Variants in FLI1 observed in about 807,000 individuals in gnomAD.
The protein encoded by FLI1 is Friend leukemia integration 1 transcription factor.
Under a neutral mutation model 53.1 loss-of-function variants are expected in FLI1, and 13 were observed. The observed-to-expected ratio is 0.24, with a 90% CI of 0.16 to 0.39. The LOEUF (loss-of-function observed/expected upper bound fraction) is 0.39. Ranked by LOEUF, FLI1 falls within the 10% of genes least tolerant of loss-of-function variation. FLI1 has a pLI of 1.00. For synonymous variants in FLI1, 244 were observed against 236.7 expected, an observed-to-expected ratio of 1.03 and a Z score of -0.28; for missense variants, 424 against 600.5, an observed-to-expected ratio of 0.71 and a Z score of 3.07.
intron 1 of FLI1, among the ~76,000 whole-genome samples, chr11:128,751,811 GGT>G (rs995138134): frequency 5.2e-5 from 7 of 135,184 alleles, no homozygotes; most frequent in East Asian, 2.1e-4. Flanking sequence ...TACAGGCGTG[GGT>G]TTTTTTTTTT....
At position 128,702,065 on chromosome 11, in the gene FLI1, G is replaced by T. The variant is rs537482067; in HGVS notation, c.18+7789G>T. ...TCATGAGTTGTTTTAAGTTACTGCT[G>T]TTACAGTCTATGGAAAAGCGTATGT... On this transcript the variant is annotated intron_variant, in intron 1 of 8. Transcript: ENST00000527786. 1.4e-4 allele frequency among the ~76,000 whole-genome samples: 21 copies of T among 152,324 alleles called. No homozygotes were observed. In the South Asian group the frequency reaches 4.3e-3, roughly 32 times the overall value.
At chr11:128,787,941 G>A (rs1349001037) in intron 5 of FLI1, among the ~76,000 whole-genome samples, 1 of 151,438 alleles carries the variant, frequency 6.6e-6, no homozygotes, top group African/African-American at 2.4e-5. Context: ...TGAGTAGCTG[G>A]GACTACAGGT....
chr11:128,803,208 T>C (rs1942681818), intron 5 of FLI1, among the ~76,000 whole-genome samples: 1 of 151,840 alleles, frequency 6.6e-6, no homozygotes, highest in African/African-American at 2.4e-5. Context: ...ATTATCTCCT[T>C]CCCCCAGGCC....
intron 4 of FLI1, among the ~76,000 whole-genome samples, chr11:128,775,496 G>A (rs1941702452): frequency 6.6e-6 from 1 of 152,210 alleles, no homozygotes; most frequent in Admixed American, 6.5e-5. Flanking sequence ...TGGGGTTCCA[G>A]CCTTGGGGAC....
At chr11:128,747,672 T>G (rs552391866) in intron 1 of FLI1, among the ~76,000 whole-genome samples, 9 of 152,356 alleles carry the variant, frequency 5.9e-5, no homozygotes, top group African/African-American at 2.2e-4. Flanking sequence ...GGCCACCCCC[T>G]ACTTTATTCT....
At chr11:128,692,403 G>A (rs1052661745), upstream of FLI1, among the ~76,000 whole-genome samples, 8 of 151,974 alleles carry the variant, frequency 5.3e-5, no homozygotes, top group African/African-American at 1.2e-4. Flanking sequence ...AGACAGGAGC[G>A]GGGGGAGTCA....
At chr11:128,763,444 T>A (rs1000483001) in intron 2 of FLI1, among the ~76,000 whole-genome samples, 5 of 152,232 alleles carry the variant, frequency 3.3e-5, no homozygotes, top group Non-Finnish European at 5.9e-5. Context: ...CTCAGCTGCA[T>A]CCTGTCTCAA....
rs1344412702 is a variant in FLI1, at chr11:128,694,352, C to A, written c.18+76C>A. ...AAGCGGCGGGCGGGTAGGTGCGGGG[C>A]CCGCGTCCCGGAAGACGTGGCCTCT... On this transcript the variant is annotated intron_variant, in intron 1 of 8. Transcript: ENST00000527786. The A allele has an allele frequency of 5.2e-6, 6 of 1,160,632 alleles. No homozygotes were observed. In the African/African-American group the frequency reaches 6.4e-5, roughly 12 times the overall value. The allele number at this position is 1,160,632 out of a possible 1,614,324, so 71.9% of individuals were successfully genotyped here. A position where few individuals can be genotyped will look rare whatever the true frequency, so the allele number is the denominator to read the frequency against.
chr11:128,772,984 A>C lies in FLI1; in HGVS notation c.588A>C (p.Glu196Asp). 2.5e-6 allele frequency: 4 copies of C among 1,613,240 alleles called. No homozygotes were observed. The highest frequency in any genetic ancestry group is 3.4e-6 in the Non-Finnish European group (4 of 1,179,796). ...VLLSHLSYLR[E>D]SSLLAYNTTS... ...TGTCACACCTCAGTTACCTCAGGGA[A>C]AGTAAGTGCCGCCCAAGTACCCAGG... The change falls in exon 4 of 9, where the codon GAA (glutamate) becomes GAC (aspartate). Residue 196 changes from glutamate to aspartate, a missense_variant and splice_region_variant. This residue lies in a region of FLI1 where 114 missense variants were observed against 117.9 expected (regional missense o/e 0.97). Coordinates refer to ENST00000527786, the MANE Select transcript of FLI1 (RefSeq NM_002017.5).
At chr11:128,697,289 CAGATGGGG>C in intron 1 of FLI1, among the ~76,000 whole-genome samples, 1 of 152,292 alleles carries the variant, frequency 6.6e-6, no homozygotes, top group South Asian at 2.1e-4. Flanking sequence ...GGTGTCATTA[CAGATGGGG>C]AGACAGAGAA....
At chr11:128,766,392 A>G (rs916326247) in intron 2 of FLI1, among the ~76,000 whole-genome samples, 2 of 152,214 alleles carry the variant, frequency 1.3e-5, no homozygotes, top group Non-Finnish European at 2.9e-5. Context: ...GGCGAATAGT[A>G]AAACCTTAAA....
chr11:128,690,557 G>A (rs1239856805), upstream of FLI1, among the ~76,000 whole-genome samples: 1 of 152,206 alleles, frequency 6.6e-6, no homozygotes, highest in Admixed American at 6.5e-5. Flanking sequence ...TCGACCCGCC[G>A]CTCCCCTCCC....
At chr11:128,784,538 C>T (rs1942028850) in intron 5 of FLI1, among the ~76,000 whole-genome samples, 1 of 152,180 alleles carries the variant, frequency 6.6e-6, no homozygotes, top group South Asian at 2.1e-4. Flanking sequence ...TAAGCCTGTG[C>T]TTTGCAGGTG....
At chr11:128,775,441 C>G (rs582697) in intron 4 of FLI1, among the ~76,000 whole-genome samples, 111,279 of 151,962 alleles carry the variant, frequency 0.73, 42,551 homozygotes, top group Non-Finnish European at 0.84. Flanking sequence ...CACTGTCAGG[C>G]AAAAGGCTTT....
At chr11:128,691,752 A>G (rs1205327967), upstream of FLI1, 1 of 152,506 alleles carries the variant, frequency 6.6e-6, no homozygotes. Context: ...TGGTGCTGAA[A>G]GGAATTGGGG....
rs899791707 is a variant in FLI1 at position 128,736,413 on chromosome 11, A to G, written c.19-21702A>G. On this transcript the variant is annotated intron_variant, in intron 1 of 8. Transcript: ENST00000527786. ...ACCCTAGAGGCCACAGATAAGATAC[A>G]CTCTTGTAGCAGGCTTGTCATACTT... 2.6e-5 allele frequency among the ~76,000 whole-genome samples: 4 copies of G among 152,056 alleles called. No homozygotes were observed. In the East Asian group the frequency reaches 7.7e-4, roughly 29 times the overall value.
rs551586853 is a variant in FLI1 at position 128,688,149 on chromosome 11, C to T, written c.-203+1448C>T. Among the ~76,000 whole-genome samples the T allele has an allele frequency of 1.6e-4, 24 of 152,210 alleles. No individual in the cohort carries two copies. The South Asian group carries it at 4.6e-3, about 29-fold the overall frequency. ...GGGAGGGGAGCTGCAGTCTCTCTCC[C>T]ACTCATAGGAACCCTCGAGTCCATA... is the stretch of plus-strand genomic sequence containing the variant. On this transcript the variant is annotated intron_variant, in intron 1 of 6. Coordinates refer to the FLI1 transcript ENST00000344954.
intron 1 of FLI1, among the ~76,000 whole-genome samples, chr11:128,718,973 G>A (rs1238960106): frequency 4.6e-5 from 7 of 152,184 alleles, no homozygotes; most frequent in African/African-American, 1.4e-4. Flanking sequence ...CAACATAAAC[G>A]AACTTTCGGT....
At chr11:128,755,323 AAT>A (rs1940818443) in intron 1 of FLI1, among the ~76,000 whole-genome samples, 1 of 152,232 alleles carries the variant, frequency 6.6e-6, no homozygotes, top group African/African-American at 2.4e-5. Flanking sequence ...AAGGTTCATG[AAT>A]GATAAACTAA....
Sources: gnomAD v4.1 joint callset for allele counts (sites outside exome capture counted in the v4.1 genomes callset) on GRCh38, gnomAD v4.1.1 for gene constraint, gnomAD v4.1.1 regional missense constraint, MANE v1.5 for transcripts, NCBI Gene and HGNC (gene_info 2026-07-23, HGNC 2026-07-21) for gene names.